Variants in PPP2R2B observed in about 807,000 individuals in gnomAD.
PPP2R2B encodes serine/threonine-protein phosphatase 2A 55 kDa regulatory subunit B beta isoform.
PPP2R2B carries 5 observed loss-of-function variants against 46.0 expected under a neutral mutation model. The observed-to-expected ratio is 0.11, with a 90% CI of 0.06 to 0.23. The LOEUF (loss-of-function observed/expected upper bound fraction) is 0.23, where lower values mean the gene tolerates loss of function less well. Ranked by LOEUF, PPP2R2B falls within the 10% of genes least tolerant of loss-of-function variation. PPP2R2B has a pLI of 1.00. For synonymous variants in PPP2R2B, 215 were observed against 206.7 expected, an observed-to-expected ratio of 1.04 and a Z score of -0.34; for missense variants, 367 against 575.0, an observed-to-expected ratio of 0.64 and a Z score of 3.70.
chr5:147,032,004 A>G (rs972356288), intron 1 of PPP2R2B, among the ~76,000 whole-genome samples: 5 of 152,228 alleles, frequency 3.3e-5, no homozygotes, highest in African/African-American at 9.6e-5. Context: ...TTAATGACCA[A>G]GAACTCAAAG....
At position 146,661,733 on chromosome 5, in the gene PPP2R2B, A is replaced by G. The variant is rs544910103; in HGVS notation, c.448-11009T>C. Among the ~76,000 whole-genome samples, 8 of 152,296 alleles carry G rather than the reference A, an allele frequency of 5.3e-5. No homozygotes were observed. The South Asian group carries it at 1.5e-3, about 28-fold the overall frequency. On this transcript the variant is annotated intron_variant, in intron 5 of 9. Coordinates refer to ENST00000394411, the MANE Select transcript of PPP2R2B (RefSeq NM_181675.4). ...AGATAAACTCGCTAATTACCAACTC[A>G]TGCAGAAACCTGTAATTCTGCCAGT...
At chr5:146,825,960 A>T (rs1269774203) in intron 2 of PPP2R2B, among the ~76,000 whole-genome samples, 1 of 152,162 alleles carries the variant, frequency 6.6e-6, no homozygotes, top group Admixed American at 6.6e-5. Context: ...GGAATGAAGG[A>T]TCCATCTCAT....
intron 2 of PPP2R2B, among the ~76,000 whole-genome samples, chr5:146,770,747 C>T (rs1754801777): frequency 6.6e-6 from 1 of 152,084 alleles, no homozygotes; most frequent in Non-Finnish European, 1.5e-5. Flanking sequence ...CTTGAGAATG[C>T]ATGGGAGCTG....
rs1200180744 is a variant in PPP2R2B, at chr5:146,700,953, A to AGGTTAAGGGCGACACATAAG, written c.168+72_168+91dup. The AGGTTAAGGGCGACACATAAG allele has an allele frequency of 5.2e-6, 6 of 1,154,662 alleles. No individual in the cohort carries two copies. In the African/African-American group the frequency reaches 7.7e-5, roughly 15 times the overall value. 71.5% of individuals were successfully genotyped at this position (1,154,662 alleles called of 1,614,324 possible). On this transcript the variant is annotated intron_variant, in intron 3 of 9. Transcript: ENST00000394411. ...TTTTTAGTTTTCGAGCAAAGCAGCA[A>AGGTTAAGGGCGACACATAAG]GGTTAAGGGCGACACATAAGGATTA...
Position 147,013,252 on chromosome 5 carries a change from A to C in PPP2R2B, c.79+42413T>G, listed in dbSNP as rs1754831025. On this transcript the variant is annotated intron_variant, in intron 1 of 8. Transcript: ENST00000336640. ...ATAAAAGAGGATACAAACAAATGGA[A>C]GAACATTCCATGCTCATGGGTAGGA... Among the ~76,000 whole-genome samples, 2 of 108,354 alleles carry C rather than the reference A, an allele frequency of 1.8e-5. 1 individual carries two copies. Among genetic ancestry groups the C allele is most frequent in the South Asian group, 6.3e-4 (2 of 3,188 alleles). The allele number at this position is 108,354 out of a possible 152,430, so 71.1% of individuals were successfully genotyped here.
intron 6 of PPP2R2B, among the ~76,000 whole-genome samples, chr5:146,643,338 C>G (rs1022231862): frequency 5.9e-5 from 9 of 151,834 alleles, no homozygotes; most frequent in Non-Finnish European, 1.3e-4. Context: ...GCCCCAAGCC[C>G]CCCTGATCCA....
rs1755046245 is a variant in PPP2R2B, at chr5:146,774,366, G to C, written c.71-73224C>G. On this transcript the variant is annotated intron_variant, in intron 2 of 9. Transcript: ENST00000394411. ...CTTAAACTGACCAAAAAATAATAAA[G>C]TCTGAGAACCAGGACCAAATGTCAG... Among the ~76,000 whole-genome samples, 3 of 152,208 alleles carry C rather than the reference G, an allele frequency of 2.0e-5. No homozygotes were observed. In the East Asian group the frequency reaches 5.8e-4, roughly 29 times the overall value.
chr5:146,726,556 T>G (rs1751881518), intron 2 of PPP2R2B, among the ~76,000 whole-genome samples: 1 of 152,190 alleles, frequency 6.6e-6, no homozygotes, highest in African/African-American at 2.4e-5. Flanking sequence ...GCAAATCTGT[T>G]TATTCCTATT....
At chr5:146,679,078 A>G (rs1581855872) in intron 5 of PPP2R2B, among the ~76,000 whole-genome samples, 2 of 73,438 alleles carry the variant, frequency 2.7e-5, no homozygotes, top group African/African-American at 8.9e-5. Context: ...AAGAGCCCGC[A>G]TCGCCAAGTC....
At chr5:146,706,313 G>A in intron 2 of PPP2R2B, 1 of 548,898 alleles carries the variant, frequency 1.8e-6, no homozygotes, top group Non-Finnish European at 3.4e-6. Flanking sequence ...GCTGGAACCT[G>A]CGCCAGAGCG....
chr5:146,593,032 A>C lies in PPP2R2B; in HGVS notation c.991T>G (p.Ser331Ala). 6.2e-7 allele frequency: 1 copy of C among 1,613,996 alleles called. No individual in the cohort carries two copies. Residue 331 changes from serine (S) to alanine (A), a missense_variant, in exon 9 of 10, where the codon TCC (serine) becomes GCC (alanine). Ser to Ala is a moderately conservative substitution (Grantham distance 99, BLOSUM62 1). Transcript: ENST00000394411. The part of the protein sequence containing the change: ...VHDYLRSKLC[S>A]LYENDCIFDK... ...AAAATGCAGTCATTTTCATAGAGGG[A>C]ACACAGCTTGCTGCGGAGGTAGTCA... is the stretch of plus-strand genomic sequence containing the variant.
At chr5:146,777,284 C>T (rs1467395765) in intron 2 of PPP2R2B, among the ~76,000 whole-genome samples, 1 of 152,022 alleles carries the variant, frequency 6.6e-6, no homozygotes, top group Non-Finnish European at 1.5e-5. Context: ...GAAATATTAT[C>T]CAGCCATAAA....
intron 8 of PPP2R2B, 129 bp downstream of exon 8, chr5:146,600,162 A>G: frequency 3.1e-6 from 3 of 973,046 alleles, no homozygotes; most frequent in African/African-American, 3.3e-5. Context: ...AGCCTGTACC[A>G]TTTTACTGAA....
intron 2 of PPP2R2B, among the ~76,000 whole-genome samples, chr5:146,830,697 C>T (rs1451980706): frequency 2.0e-5 from 3 of 152,056 alleles, no homozygotes; most frequent in Non-Finnish European, 4.4e-5. Flanking sequence ...GTCTTGAGCT[C>T]CTGACCTCAA....
intron 1 of PPP2R2B, among the ~76,000 whole-genome samples, chr5:147,050,690 G>A (rs373348657): frequency 1.9e-4 from 26 of 140,380 alleles, no homozygotes; most frequent in African/African-American, 5.2e-4. Flanking sequence ...ACACACACAC[G>A]CATCCATACC....
intron 7 of PPP2R2B, among the ~76,000 whole-genome samples, chr5:146,606,568 G>A (rs986504592): frequency 1.3e-5 from 2 of 152,208 alleles, no homozygotes; most frequent in African/African-American, 2.4e-5. Flanking sequence ...TTAGCAAAGC[G>A]TCTGTACCCA....
chr5:146,964,128 C>T (rs756729295), intron 1 of PPP2R2B, among the ~76,000 whole-genome samples: 47 of 152,128 alleles, frequency 3.1e-4, no homozygotes, highest in Admixed American at 4.6e-4. Context: ...AAGTATGCTC[C>T]CCAAAACATT....
intron 1 of PPP2R2B, among the ~76,000 whole-genome samples, chr5:146,978,103 G>A (rs150868635): frequency 2.0e-3 from 306 of 152,196 alleles, no homozygotes; most frequent in African/African-American, 7.1e-3. Context: ...TTCTGGTTTC[G>A]GTTTGCACTT....
Position 146,878,397 on chromosome 5 carries a change from T to G in PPP2R2B, c.-125+194A>C. 2 of 1,370,806 alleles carry G rather than the reference T, an allele frequency of 1.5e-6. No individual in the cohort carries two copies. Among genetic ancestry groups the G allele is most frequent in the Non-Finnish European group, 1.9e-6 (2 of 1,048,032 alleles). 84.9% of individuals were successfully genotyped at this position (1,370,806 alleles called of 1,614,324 possible). A position where few individuals can be genotyped will look rare whatever the true frequency, so the allele number is the denominator to read the frequency against. On this transcript the variant is annotated intron_variant, in intron 1 of 9. Coordinates refer to ENST00000394411, the MANE Select transcript of PPP2R2B (RefSeq NM_181675.4). This position sits in a 1 kb window ranked among gnomAD's most constrained non-coding sequence, Gnocchi z 4.5. ...ATACGCCGTGCCCCGAGGGGTCTGG[T>G]CCCGCCCGCCCGCCCCGGAGGCGCT... is the stretch of plus-strand genomic sequence containing the variant.
Sources: allele counts gnomAD v4.1 joint callset (sites outside exome capture counted in the v4.1 genomes callset), GRCh38; gene constraint gnomAD v4.1.1; non-coding constraint Gnocchi (gnomAD v3.1); transcripts MANE v1.5; gene names NCBI Gene and HGNC (gene_info 2026-07-23, HGNC 2026-07-21).